ZNF14: variants seen among roughly 807,000 people sequenced by gnomAD.
ZNF14 encodes the protein zinc finger protein 14.
ZNF14 carries 9 observed loss-of-function variants against 11.3 expected under a neutral mutation model. The ratio of observed to expected loss-of-function variants is 0.80; its 90% CI spans 0.48 to 1.39. The LOEUF is 1.39. ZNF14 is among the 40% of genes most tolerant of loss of function. ZNF14 has a pLI of 0.00. For missense variants in ZNF14, 711 were observed against 763.9 expected, an observed-to-expected ratio of 0.93 and a Z score of 0.82; for synonymous variants, 239 against 245.7, an observed-to-expected ratio of 0.97 and a Z score of 0.25.
chr19:19,714,335 G>C (rs778573661), intron 2 of ZNF14, 26 bp downstream of exon 2: 1 of 1,612,944 alleles, frequency 6.2e-7, no homozygotes, highest in Admixed American at 1.7e-5. Context: ...ATATTTAACT[G>C]AGGAAAGAAA....
Position 19,712,446 on chromosome 19 carries a change from A to AG in ZNF14, c.834dup (p.Tyr279LeufsTer4). The AG allele has an allele frequency of 6.4e-7, 1 of 1,559,368 alleles. No individual in the cohort carries two copies. Among genetic ancestry groups the AG allele is most frequent in the Non-Finnish European group, 8.8e-7 (1 of 1,142,730 alleles). ...GCTTTACCACATTCTTTACATTTGT[A>AG]GGGTTTTTCTCCAGTGTGAGTTCTT... On this transcript the variant is annotated frameshift_variant, in exon 4 of 4. Coordinates refer to ENST00000344099, the MANE Select transcript of ZNF14 (RefSeq NM_021030.3). LOFTEE classifies it low-confidence loss of function (END_TRUNC).
intron 1 of ZNF14, among the ~76,000 whole-genome samples, chr19:19,724,792 T>C (rs1217815503): frequency 7.5e-6 from 1 of 133,628 alleles, no homozygotes; most frequent in Non-Finnish European, 1.7e-5. Context: ...ATATTTAGGA[T>C]AGTTAGCTCT....
chr19:19,721,506 A>G (rs994095529), intron 1 of ZNF14, among the ~76,000 whole-genome samples: 7 of 152,240 alleles, frequency 4.6e-5, no homozygotes, highest in African/African-American at 1.7e-4. Context: ...CTTTTACAAC[A>G]GTGGCACTAC....
Position 19,714,506 on chromosome 19 carries a change from G to A in ZNF14, c.4-19C>T. 1 of 1,605,514 alleles carries A rather than the reference G, an allele frequency of 6.2e-7. No homozygotes were observed. The highest frequency in any genetic ancestry group is 8.5e-7 in the Non-Finnish European group (1 of 1,177,224). On this transcript the variant is annotated intron_variant, in intron 1 of 3. Coordinates refer to ENST00000344099, the MANE Select transcript of ZNF14 (RefSeq NM_021030.3). ...CTGAGTCCTGAAACATTCCACATATGTTTACAGAGGATGGGTAAGACTGGC... is the reference window on the plus strand; with the variant it reads ...CTGAGTCCTGAAACATTCCACATATATTTACAGAGGATGGGTAAGACTGGC...
At chr19:19,713,565 C>G (rs1249412077) in intron 3 of ZNF14, among the ~76,000 whole-genome samples, 3 of 152,006 alleles carry the variant, frequency 2.0e-5, no homozygotes, top group Non-Finnish European at 1.5e-5. Flanking sequence ...TTTCCTGCCT[C>G]AGCCTCCTGG....
rs189733657 is a variant in ZNF14 at position 19,726,288 on chromosome 19, G to A, written c.3+6668C>T. On this transcript the variant is annotated intron_variant, in intron 1 of 3. Coordinates refer to ENST00000344099, the MANE Select transcript of ZNF14 (RefSeq NM_021030.3). The stretch of plus-strand genomic sequence containing the variant: ...TTTGGTGTGGATGTCCTTTCTGTTT[G>A]TTAGTTTTCCTCCTAACAGTCAGGA... Among the ~76,000 whole-genome samples the A allele has an allele frequency of 1.5e-5, 2 of 134,664 alleles. 1 individual carries two copies. The highest frequency in any genetic ancestry group is 5.5e-5 in the African/African-American group (2 of 36,594). 88.3% of individuals were successfully genotyped at this position (134,664 alleles called of 152,430 possible).
rs948230487 is a variant in ZNF14, at chr19:19,712,397, C to T, written c.884G>A (p.Arg295Gln). 1.2e-5 allele frequency: 20 copies of T among 1,609,048 alleles called. No homozygotes were observed. Among genetic ancestry groups the T allele is most frequent in the East Asian group, 8.9e-5 (4 of 44,836 alleles). ...TCCACTATGAGTCCTTTTATGCCTT[C>T]GAAAAGAACTGAGAAAACTGAAGGC... Reference protein sequence around the residue: ...GKAFSFLSSFRRHKRTHSGEK... With the variant: ...GKAFSFLSSFQRHKRTHSGEK... Residue 295 changes from arginine (R) to glutamine (Q), a missense_variant, in exon 4 of 4, where the codon CGA (arginine) becomes CAA (glutamine). Arg to Gln is a conservative substitution (Grantham distance 43, BLOSUM62 1). Transcript: ENST00000344099.
At position 19,711,231 on chromosome 19, in the gene ZNF14, TG is replaced by T; in HGVS notation, c.*120del. 1.7e-6 allele frequency: 2 copies of T among 1,160,920 alleles called. No individual in the cohort carries two copies. Among genetic ancestry groups the T allele is most frequent in the Non-Finnish European group, 2.4e-6 (2 of 850,696 alleles). The allele number at this position is 1,160,920 out of a possible 1,614,324, so 71.9% of individuals were successfully genotyped here. A position where few individuals can be genotyped will look rare whatever the true frequency, so the allele number is the denominator to read the frequency against. On this transcript the variant is annotated 3_prime_UTR_variant, in exon 4 of 4. Coordinates refer to ENST00000344099, the MANE Select transcript of ZNF14 (RefSeq NM_021030.3). Reference sequence around the variant, plus strand: ...GAATTCTTTCGTGCTCAAAAGAAACTGGAACAATTAAGGGCTTTAGAACAAT... The same window carrying T: ...GAATTCTTTCGTGCTCAAAAGAAACTGAACAATTAAGGGCTTTAGAACAAT...
Position 19,714,137 on chromosome 19 carries a change from C to T in ZNF14, c.145G>A (p.Asp49Asn). 1.2e-6 allele frequency: 2 copies of T among 1,613,050 alleles called. No homozygotes were observed. Among genetic ancestry groups the T allele is most frequent in the East Asian group, 4.5e-5 (2 of 44,874 alleles). ...NLVCLGKKWE[D>N]QDIEDDHRNQ... ...CTGTGGTCATCTTCAATGTCCTGGT[C>T]TTCCCACTTTTTTCCTAAAATGCAT... The change falls in exon 3 of 4, where the codon GAC becomes AAC. Residue 49 changes from aspartate to asparagine, a missense_variant. By Grantham distance (23) the Asp-to-Asn change is conservative. Coordinates refer to ENST00000344099, the MANE Select transcript of ZNF14 (RefSeq NM_021030.3).
chr19:19,726,623 G>A (rs2062407050), intron 1 of ZNF14, among the ~76,000 whole-genome samples: 1 of 133,588 alleles, frequency 7.5e-6, no homozygotes, highest in East Asian at 2.1e-4. Flanking sequence ...TGTCAGACAG[G>A]GACATTTAAG....
rs746485781 is a variant in ZNF14, at chr19:19,711,705, T to C, written c.1576A>G (p.Thr526Ala). ...TTACACTCAAAAGGCTTATTTCCAG[T>C]GTGAATTTTTTCATGTTCTCGAAGG... ...SSLREHEKIH[T>A]GNKPFECKQC... The change falls in exon 4 of 4, where the codon ACT becomes GCT. Residue 526 changes from threonine (T) to alanine (A), a missense_variant. Coordinates refer to ENST00000344099, the MANE Select transcript of ZNF14 (RefSeq NM_021030.3). The C allele has an allele frequency of 1.2e-6, 2 of 1,614,126 alleles. No homozygotes were observed. The highest frequency in any genetic ancestry group is 1.1e-5 in the South Asian group (1 of 91,070).
chr19:19,730,366 A>T (rs2062419697), intron 1 of ZNF14, among the ~76,000 whole-genome samples: 1 of 152,048 alleles, frequency 6.6e-6, no homozygotes, highest in African/African-American at 2.4e-5. Flanking sequence ...TTTAAACACA[A>T]ACTTAACTCC....
intron 3 of ZNF14, 105 bp downstream of exon 3, chr19:19,713,986 A>G: frequency 9.1e-7 from 1 of 1,101,024 alleles, no homozygotes; most frequent in Admixed American, 2.2e-5. Context: ...ATTTTCAGTG[A>G]AAGTTTTCTA....
In ZNF14 at chr19:19,711,717, C is replaced by T; in HGVS notation, c.1564G>A (p.Glu522Lys). 6.2e-7 allele frequency: 1 copy of T among 1,614,084 alleles called. No homozygotes were observed. Among genetic ancestry groups the T allele is most frequent in the Non-Finnish European group, 8.5e-7 (1 of 1,180,024 alleles). Reference sequence around the variant, plus strand: ...GGCTTATTTCCAGTGTGAATTTTTTCATGTTCTCGAAGGGAACTTGAAAAA... The same window carrying T: ...GGCTTATTTCCAGTGTGAATTTTTTTATGTTCTCGAAGGGAACTTGAAAAA... Reference protein sequence around the residue: ...FSFSSSLREHEKIHTGNKPFE... With the variant: ...FSFSSSLREHKKIHTGNKPFE... The change falls in exon 4 of 4, where the codon GAA (glutamate) becomes AAA (lysine). Residue 522 changes from glutamate (E) to lysine (K), a missense_variant. Coordinates refer to ENST00000344099, the MANE Select transcript of ZNF14 (RefSeq NM_021030.3).
intron 1 of ZNF14, among the ~76,000 whole-genome samples, chr19:19,732,646 C>T (rs1325244286): frequency 6.6e-6 from 1 of 152,252 alleles, no homozygotes; most frequent in Non-Finnish European, 1.5e-5. Flanking sequence ...ACCCCACAGA[C>T]CGAGATGGGA....
intron 1 of ZNF14, among the ~76,000 whole-genome samples, chr19:19,731,431 C>A (rs2062422967): frequency 6.6e-6 from 1 of 152,016 alleles, no homozygotes; most frequent in Non-Finnish European, 1.5e-5. Context: ...AAAGAATTAG[C>A]CGGGTGTGGT....
chr19:19,723,517 C>T (rs910270296), intron 1 of ZNF14, among the ~76,000 whole-genome samples: 2 of 152,136 alleles, frequency 1.3e-5, no homozygotes, highest in African/African-American at 4.8e-5. Flanking sequence ...ATTCAATATT[C>T]GTCAGGGATA....
rs1157116850 is a variant in ZNF14, at chr19:19,724,345, T to C, written c.3+8611A>G. Among the ~76,000 whole-genome samples, 4 of 134,308 alleles carry C rather than the reference T, an allele frequency of 3.0e-5. No homozygotes were observed. In the East Asian group the frequency reaches 8.4e-4, roughly 28 times the overall value. 88.1% of individuals were successfully genotyped at this position (134,308 alleles called of 152,430 possible). A position where few individuals can be genotyped will look rare whatever the true frequency, so the allele number is the denominator to read the frequency against. ...TGCCTTCATTTCGTTATGCACCCAA[T>C]AGTCATTCAGGAGCAGGTTGTTCAG... On this transcript the variant is annotated intron_variant, in intron 1 of 3. Transcript: ENST00000344099.
Position 19,711,097 on chromosome 19 carries a change from C to CA in ZNF14, c.*254dup, listed in dbSNP as rs770881924. On this transcript the variant is annotated 3_prime_UTR_variant, in exon 4 of 4. Coordinates refer to ENST00000344099, the MANE Select transcript of ZNF14 (RefSeq NM_021030.3). ...TGGCCTTTTTTAAAAAAACAAAAAA[C>CA]AAAAAACAAAACAGATTTCACTGCA... 4 of 410,948 alleles carry CA rather than the reference C, an allele frequency of 9.7e-6. No individual in the cohort carries two copies. Among genetic ancestry groups the CA allele is most frequent in the South Asian group, 6.9e-5 (1 of 14,502 alleles). 25.5% of individuals were successfully genotyped at this position (410,948 alleles called of 1,614,324 possible). A position where few individuals can be genotyped will look rare whatever the true frequency, so the allele number is the denominator to read the frequency against.
Sources: allele counts gnomAD v4.1 joint callset (sites outside exome capture counted in the v4.1 genomes callset), GRCh38; gene constraint gnomAD v4.1.1; transcripts MANE v1.5; gene names NCBI Gene and HGNC (gene_info 2026-07-23, HGNC 2026-07-21).